CCDC62: variants seen among roughly 807,000 people sequenced by gnomAD.
CCDC62 encodes the protein coiled-coil domain containing 62.
Under a neutral mutation model 80.8 loss-of-function variants are expected in CCDC62, and 72 were observed. That is an observed-to-expected ratio of 0.89 (90% CI 0.74 to 1.08). The LOEUF is 1.08. Among genes scored for constraint, CCDC62 ranks in the 50% least tolerant of loss-of-function variants. The pLI, the probability that CCDC62 is intolerant of heterozygous loss-of-function variation, is 0.00. For synonymous variants in CCDC62, 286 were observed against 296.5 expected, an observed-to-expected ratio of 0.96 and a Z score of 0.36; for missense variants, 704 against 809.4, an observed-to-expected ratio of 0.87 and a Z score of 1.58.
intron 11 of CCDC62, 102 bp downstream of exon 11, chr12:122,813,521 G>A: frequency 1.9e-6 from 2 of 1,077,828 alleles, no homozygotes; most frequent in Non-Finnish European, 2.6e-6. Context: ...CTGTTAGAGG[G>A]AGAGTTTCTG....
Position 122,826,614 on chromosome 12 carries a change from A to T in CCDC62, c.*233A>T. On this transcript the variant is annotated 3_prime_UTR_variant, in exon 13 of 13. Coordinates refer to ENST00000253079, the MANE Select transcript of CCDC62 (RefSeq NM_201435.5). ...ATTTTTGTGCTGAAGAAATATTTTC[A>T]TGTGTAAGAAAGTAGACCTTATTGT... The T allele has an allele frequency of 1.8e-6, 1 of 561,396 alleles. No individual in the cohort carries two copies. The highest frequency in any genetic ancestry group is 3.2e-6 in the Non-Finnish European group (1 of 315,834). The allele number at this position is 561,396 out of a possible 1,614,324, so 34.8% of individuals were successfully genotyped here. A position where few individuals can be genotyped will look rare whatever the true frequency, so the allele number is the denominator to read the frequency against.
chr12:122,801,874 A>G lies in CCDC62; in HGVS notation c.1706+22A>G, dbSNP rs375917410. Reference sequence around the variant, plus strand: ...CAAGGTGAGTAACGTTCACATCTGTAAACACCCACGGAGCATGCATGCCAG... The same window carrying G: ...CAAGGTGAGTAACGTTCACATCTGTGAACACCCACGGAGCATGCATGCCAG... On this transcript the variant is annotated intron_variant, in intron 9 of 12. Transcript: ENST00000253079. 20 of 1,606,114 alleles carry G rather than the reference A, an allele frequency of 1.2e-5. No homozygotes were observed. The African/African-American group carries it at 2.5e-4, about 20-fold the overall frequency.
At chr12:122,812,773 G>GAAAGAAAGAAAGAAAGAAAGAAAGAA (rs1555257959) in intron 10 of CCDC62, among the ~76,000 whole-genome samples, 1 of 68,888 alleles carries the variant, frequency 1.5e-5, no homozygotes, top group Non-Finnish European at 2.9e-5. Flanking sequence ...GAGAGAGAGA[G>GAAAGAAAGAAAGAAAGAAAGAAAGAA]AGAGAGAAAG....
At chr12:122,797,526 A>G (rs558929424) in intron 7 of CCDC62, 131 bp downstream of exon 7, 2 of 498,060 alleles carry the variant, frequency 4.0e-6, no homozygotes, top group Non-Finnish European at 7.1e-6. Flanking sequence ...GTTGTATATC[A>G]TGTTTATTTA....
chr12:122,777,403 A>G (rs1252913318), intron 1 of CCDC62, 88 bp from the exon 2 acceptor site: 3 of 1,134,752 alleles, frequency 2.6e-6, no homozygotes, highest in Non-Finnish European at 1.2e-6. Flanking sequence ...TGGCCGCAAA[A>G]GAAGATATAC....
chr12:122,802,152 A>G (rs1382663992), intron 9 of CCDC62, among the ~76,000 whole-genome samples: 2 of 152,170 alleles, frequency 1.3e-5, no homozygotes, highest in Admixed American at 1.3e-4. Flanking sequence ...GCTTTATTAA[A>G]AAGCAAACGG....
At position 122,810,027 on chromosome 12, in the gene CCDC62, A is replaced by C. The variant is rs558763927; in HGVS notation, c.1852-3243A>C. Among the ~76,000 whole-genome samples, 58 of 152,312 alleles carry C rather than the reference A, an allele frequency of 3.8e-4. 1 individual carries two copies. Among genetic ancestry groups the C allele is most frequent in the Non-Finnish European group, 2.9e-4 (20 of 68,010 alleles). On this transcript the variant is annotated intron_variant, in intron 10 of 12. Coordinates refer to ENST00000253079, the MANE Select transcript of CCDC62 (RefSeq NM_201435.5). ...TTATATAAAAATTAATTCAAGATGG[A>C]TTAAAGACTTAAATGTTAGACCTAA...
At chr12:122,778,331 G>A (rs1312663236) in intron 2 of CCDC62, among the ~76,000 whole-genome samples, 1 of 147,982 alleles carries the variant, frequency 6.8e-6, no homozygotes, top group African/African-American at 2.5e-5. Flanking sequence ...TCCAGCCTGT[G>A]GGACAGAACA....
At chr12:122,787,378 G>T (rs1416349987) in intron 4 of CCDC62, among the ~76,000 whole-genome samples, 1 of 151,824 alleles carries the variant, frequency 6.6e-6, no homozygotes, top group Non-Finnish European at 1.5e-5. Flanking sequence ...CGGAAGCCGG[G>T]AGGTGGAGGT....
intron 4 of CCDC62, among the ~76,000 whole-genome samples, chr12:122,786,917 G>T (rs1242629341): frequency 6.6e-6 from 1 of 151,990 alleles, no homozygotes; most frequent in Admixed American, 6.6e-5. Flanking sequence ...CCGAAATCGC[G>T]CCACTGCACT....
At chr12:122,775,960 G>A (rs1879425188) in intron 1 of CCDC62, among the ~76,000 whole-genome samples, 1 of 152,232 alleles carries the variant, frequency 6.6e-6, no homozygotes, top group Non-Finnish European at 1.5e-5. Context: ...AAAGCAGTAA[G>A]GAGGTACAAA....
chr12:122,817,821 C>CGT (rs945002677), intron 11 of CCDC62, among the ~76,000 whole-genome samples: 6 of 151,288 alleles, frequency 4.0e-5, no homozygotes, highest in South Asian at 2.1e-4. Flanking sequence ...TGCATGCATG[C>CGT]GTGTGTGTGT....
rs537565318 is a variant in CCDC62 at position 122,825,147 on chromosome 12, C to G, written c.*41-1275C>G. On this transcript the variant is annotated intron_variant, in intron 12 of 12. Coordinates refer to ENST00000253079, the MANE Select transcript of CCDC62 (RefSeq NM_201435.5). ...AAAAAAATCAAAATTAATGTTTTAG[C>G]ATTTCATCTGTCTGTCCAGAAAGAA... Among the ~76,000 whole-genome samples, 14 of 151,576 alleles carry G rather than the reference C, an allele frequency of 9.2e-5. 1 individual carries two copies. In the South Asian group the frequency reaches 2.9e-3, roughly 32 times the overall value.
At chr12:122,817,106 C>T (rs188390631) in intron 11 of CCDC62, among the ~76,000 whole-genome samples, 3 of 151,196 alleles carry the variant, frequency 2.0e-5, no homozygotes, top group East Asian at 1.9e-4. Flanking sequence ...GGCTGGAGTG[C>T]AGTGGTATGA....
chr12:122,804,309 A>G (rs566971675), intron 9 of CCDC62, among the ~76,000 whole-genome samples: 2 of 152,314 alleles, frequency 1.3e-5, no homozygotes, highest in East Asian at 3.9e-4. Context: ...CAACATGGTG[A>G]AACCCTATCT....
chr12:122,810,397 CA>C (rs1179941642), intron 10 of CCDC62, among the ~76,000 whole-genome samples: 2 of 152,206 alleles, frequency 1.3e-5, no homozygotes, highest in African/African-American at 4.8e-5. Flanking sequence ...GACATTTATG[CA>C]GCCAACAGAC....
intron 10 of CCDC62, among the ~76,000 whole-genome samples, chr12:122,812,777 G>GAAAGAAAA: frequency 1.7e-5 from 1 of 57,760 alleles, no homozygotes; most frequent in Non-Finnish European, 3.1e-5. Flanking sequence ...GAGAGAGAGA[G>GAAAGAAAA]AGAAAGAAAG....
intron 12 of CCDC62, 24 bp downstream of exon 12, chr12:122,823,483 C>A: frequency 9.4e-7 from 1 of 1,060,956 alleles, no homozygotes; most frequent in Non-Finnish European, 1.5e-6. Context: ...GCTTATCTCA[C>A]CTTATATCTC....
Position 122,788,850 on chromosome 12 carries a change from G to A in CCDC62, c.591G>A (p.Ala197=), listed in dbSNP as rs145960478. ...LEHALRDAKM[A]ETCIVKEKQD... is the part of the protein sequence containing the mutation. ...ATGCCCTACGTGATGCCAAGATGGCGGAGACTTGTATTGTGAAAGAAAAGC... is the reference window on the plus strand; with the variant it reads ...ATGCCCTACGTGATGCCAAGATGGCAGAGACTTGTATTGTGAAAGAAAAGC... The change falls in exon 5 of 13, where the codon GCG becomes GCA. Residue 197 remains alanine (A), a synonymous_variant. Transcript: ENST00000253079. 1.7e-4 allele frequency: 282 copies of A among 1,611,680 alleles called. No individual in the cohort carries two copies. The highest frequency in any genetic ancestry group is 3.9e-4 in the Admixed American group (23 of 59,190).
Sources: gnomAD v4.1 joint callset for allele counts (sites outside exome capture counted in the v4.1 genomes callset) on GRCh38, gnomAD v4.1.1 for gene constraint, MANE v1.5 for transcripts, NCBI Gene and HGNC (gene_info 2026-07-23, HGNC 2026-07-21) for gene names.